Variants in CRLS1 observed in about 807,000 individuals in gnomAD.
CRLS1 encodes the protein cardiolipin synthase (CMP-forming).
Under a neutral mutation model 37.0 loss-of-function variants are expected in CRLS1, and 24 were observed. That is an observed-to-expected ratio of 0.65 (90% CI 0.47 to 0.91). The LOEUF (loss-of-function observed/expected upper bound fraction) is 0.91. CRLS1 is among the 40% of genes least tolerant of loss of function. The probability of loss-of-function intolerance (pLI) is 0.00; values close to 1 mark genes in which losing one functional copy is unlikely to be tolerated. For missense variants in CRLS1, 373 were observed against 395.8 expected (o/e 0.94, Z 0.49); for synonymous variants, 135 against 159.7 (o/e 0.85, Z 1.17).
In CRLS1 at chr20:6,036,241, C is replaced by T. The variant is rs144267227; in HGVS notation, c.822-833C>T. Among the ~76,000 whole-genome samples the T allele has an allele frequency of 3.7e-3, 558 of 152,270 alleles. 5 individuals carry two copies. The highest frequency in any genetic ancestry group is 0.013 in the African/African-American group (535 of 41,558). On this transcript the variant is annotated intron_variant, in intron 6 of 6. Transcript: ENST00000378863. Reference sequence around the variant, plus strand: ...GTAGGATTATAGTCATGAGCCACTGCGTCCAGCTAGAAATAGCAATTTTTC... The same window carrying T: ...GTAGGATTATAGTCATGAGCCACTGTGTCCAGCTAGAAATAGCAATTTTTC...
chr20:6,015,583 C>T (rs1978682828), intron 3 of CRLS1, 93 bp downstream of exon 3: 2 of 1,276,074 alleles, frequency 1.6e-6, no homozygotes, highest in East Asian at 2.3e-5. Flanking sequence ...AATTTTTGTT[C>T]CAAAAATATA....
intron 2 of CRLS1, among the ~76,000 whole-genome samples, chr20:6,014,812 A>G (rs1978613721): frequency 6.6e-6 from 1 of 152,246 alleles, no homozygotes. Flanking sequence ...TATAAAAATA[A>G]ATAATTTAAG....
At chr20:6,026,258 A>C (rs560040866) in intron 3 of CRLS1, 3 of 152,380 alleles carry the variant, frequency 2.0e-5, no homozygotes, top group Admixed American at 6.5e-5. Flanking sequence ...TCTACTAGCA[A>C]AAAGATTATG....
chr20:6,032,116 T>G, intron 5 of CRLS1, 36 bp downstream of exon 5: 1 of 1,512,872 alleles, frequency 6.6e-7, no homozygotes, highest in East Asian at 2.3e-5. Flanking sequence ...GTTATTCCTT[T>G]GTAAATTTTT....
intron 6 of CRLS1, 42 bp from the exon 7 acceptor site, chr20:6,037,032 T>TA (rs1980604340): frequency 7.1e-7 from 1 of 1,401,606 alleles, no homozygotes; most frequent in African/African-American, 1.4e-5. Context: ...TACTATTTTT[T>TA]AGACTTGACA....
At chr20:6,030,218 A>G (rs1006988396) in intron 3 of CRLS1, among the ~76,000 whole-genome samples, 9 of 152,120 alleles carry the variant, frequency 5.9e-5, no homozygotes, top group South Asian at 4.2e-4. Context: ...AAGGATATAA[A>G]GTGAAGCAAG....
rs1308242189 is a variant in CRLS1, at chr20:6,032,005, C to T, written c.661-7C>T. On this transcript the variant is annotated splice_polypyrimidine_tract_variant and splice_region_variant and intron_variant, in intron 4 of 6. Transcript: ENST00000378863. ...TAATTACTTTATCTTTTTTGGTCCT[C>T]TGCCAGCGAACACTTGCCAAGTATT... 1 of 1,607,644 alleles carries T rather than the reference C, an allele frequency of 6.2e-7. No homozygotes were observed. Among genetic ancestry groups the T allele is most frequent in the Non-Finnish European group, 8.5e-7 (1 of 1,175,910 alleles).
chr20:6,006,732 G>A (rs2090061663), intron 1 of CRLS1, 180 bp downstream of exon 1: 2 of 985,368 alleles, frequency 2.0e-6, no homozygotes, highest in Non-Finnish European at 2.4e-6. Context: ...GTCACCAGCG[G>A]GGTCCACCTA....
Position 6,006,989 on chromosome 20 carries a change from C to T in CRLS1, c.306+437C>T, listed in dbSNP as rs138360360. Among the ~76,000 whole-genome samples, 9 of 152,194 alleles carry T rather than the reference C, an allele frequency of 5.9e-5. No individual in the cohort carries two copies. In the East Asian group the frequency reaches 1.7e-3, roughly 29 times the overall value. Reference sequence around the variant, plus strand: ...TTCACCATCATTTGACCTTTGGTAACCTTACACATTATAGGATGAAGGTAA... The same window carrying T: ...TTCACCATCATTTGACCTTTGGTAATCTTACACATTATAGGATGAAGGTAA... On this transcript the variant is annotated intron_variant, in intron 1 of 6. Coordinates refer to ENST00000378863, the MANE Select transcript of CRLS1 (RefSeq NM_019095.6).
At chr20:6,007,044 C>A (rs1479239979) in intron 1 of CRLS1, among the ~76,000 whole-genome samples, 2 of 152,100 alleles carry the variant, frequency 1.3e-5, no homozygotes, top group Non-Finnish European at 2.9e-5. Context: ...ATTAAAAGAT[C>A]TTTTAACCTT....
chr20:6,027,848 G>A (rs1979844202), intron 3 of CRLS1, among the ~76,000 whole-genome samples: 1 of 152,338 alleles, frequency 6.6e-6, no homozygotes, highest in East Asian at 1.9e-4. Context: ...TAAGGTGTTA[G>A]GGAACGCTTG....
chr20:6,011,624 C>T (rs1212464772), intron 2 of CRLS1, among the ~76,000 whole-genome samples: 17 of 73,936 alleles, frequency 2.3e-4, no homozygotes, highest in Admixed American at 1.4e-3. Context: ...CTGACTCTGT[C>T]GCCCAGGCTG....
chr20:6,015,201 C>T (rs1318982622), intron 2 of CRLS1, among the ~76,000 whole-genome samples, 160 bp from the exon 3 acceptor site: 3 of 151,954 alleles, frequency 2.0e-5, no homozygotes, highest in East Asian at 3.8e-4. Flanking sequence ...GAAATGTATA[C>T]CAGCAAAAGA....
At chr20:6,035,278 C>T (rs965034023) in intron 6 of CRLS1, among the ~76,000 whole-genome samples, 4 of 152,182 alleles carry the variant, frequency 2.6e-5, no homozygotes, top group African/African-American at 9.6e-5. Context: ...CCCAGTTCAT[C>T]TTATACCTTC....
upstream of CRLS1, chr20:6,006,024 A>C: frequency 1.5e-5 from 5 of 342,810 alleles, no homozygotes; most frequent in East Asian, 4.4e-5. Context: ...GGCGCCGGGA[A>C]GCCCGACGAC....
intron 3 of CRLS1, among the ~76,000 whole-genome samples, chr20:6,022,693 T>C (rs1024145806): frequency 6.6e-6 from 1 of 152,224 alleles, no homozygotes; most frequent in Non-Finnish European, 1.5e-5. Context: ...TAAGATTTTC[T>C]TTGTGTTTTG....
rs2123042308 is a variant in CRLS1, at chr20:6,038,717, G to A, written c.*1559G>A. On this transcript the variant is annotated 3_prime_UTR_variant, in exon 7 of 7. Transcript: ENST00000378863. ...GACGGGTGAGCCACATAAGAATAAT[G>A]TTTAAAAAAGAGAGGACTTGAAGTA... The A allele has an allele frequency of 1.3e-5, 2 of 152,340 alleles. No individual in the cohort carries two copies. The highest frequency in any genetic ancestry group is 4.1e-4 in the South Asian group (2 of 4,830). The allele number at this position is 152,340 out of a possible 1,614,324, so 9.4% of individuals were successfully genotyped here.
rs775401881 is a variant in CRLS1, at chr20:6,023,028, A to T, written c.574+7538A>T. Among the ~76,000 whole-genome samples, 26 of 152,270 alleles carry T rather than the reference A, an allele frequency of 1.7e-4. No individual in the cohort carries two copies. In the Middle Eastern group the frequency reaches 0.02, roughly 120 times the overall value. On this transcript the variant is annotated intron_variant, in intron 3 of 6. Transcript: ENST00000378863. ...ATTACCTGTCTCTGTAGCTGTACCA[A>T]ATCTATTTAATCTTACTTTATTGTA... is the stretch of plus-strand genomic sequence containing the variant.
intron 3 of CRLS1, among the ~76,000 whole-genome samples, chr20:6,025,925 C>A (rs1002150678): frequency 6.6e-6 from 1 of 152,142 alleles, no homozygotes; most frequent in Non-Finnish European, 1.5e-5. Context: ...AAAGAGGTTT[C>A]TAGAGATGAA....
Sources: gnomAD v4.1 joint callset for allele counts (sites outside exome capture counted in the v4.1 genomes callset) on GRCh38, gnomAD v4.1.1 for gene constraint, MANE v1.5 for transcripts, NCBI Gene and HGNC (gene_info 2026-07-23, HGNC 2026-07-21) for gene names.